The following NAV2 variants were observed in gnomAD, a reference collection of about 807,000 sequenced individuals.
NAV2 encodes helicase, APC down-regulated 1.
NAV2 carries 54 observed loss-of-function variants against 223.2 expected under a neutral mutation model. That is an observed-to-expected ratio of 0.24 (90% CI 0.19 to 0.30). NAV2 has a LOEUF of 0.30. Among genes scored for constraint, NAV2 ranks in the 10% least tolerant of loss-of-function variants. The pLI is 1.00. For missense variants in NAV2, 2,806 were observed against 3,147.5 expected, an observed-to-expected ratio of 0.89 and a Z score of 2.60; for synonymous variants, 1,279 against 1,239.3, an observed-to-expected ratio of 1.03 and a Z score of -0.67.
rs769062756 is a variant in NAV2, at chr11:20,045,319, C to G, written c.3551C>G (p.Ser1184Cys). 1 of 1,614,146 alleles carries G rather than the reference C, an allele frequency of 6.2e-7. No individual in the cohort carries two copies. Residue 1184 changes from serine to cysteine, a missense_variant, in exon 14 of 38, where the codon TCC becomes TGC. Ser to Cys is a moderately radical substitution (Grantham distance 112, BLOSUM62 -1). Coordinates refer to ENST00000349880, the MANE Select transcript of NAV2 (RefSeq NM_145117.5). ...GATGACGGGTATCTAGCCCTAAGCT[C>G]CCGGACAAACCTTCAGTACCGGAGT... ...NQDDGYLALS[S>C]RTNLQYRSLP... is the part of the protein sequence containing the mutation.
intron 11 of NAV2, among the ~76,000 whole-genome samples, chr11:20,032,857 G>A (rs1376464430): frequency 6.6e-6 from 1 of 152,206 alleles, no homozygotes; most frequent in Admixed American, 6.5e-5. Flanking sequence ...AGGTATTTAA[G>A]GAGCACAGAC....
chr11:20,115,826 G>C (rs1349777400), intron 37 of NAV2, among the ~76,000 whole-genome samples: 1 of 151,892 alleles, frequency 6.6e-6, no homozygotes, highest in East Asian at 1.9e-4. Context: ...GGTGGGAGGA[G>C]GGCTTGAGCC....
intron 20 of NAV2, among the ~76,000 whole-genome samples, chr11:20,067,226 A>G (rs562999610): frequency 6.6e-6 from 1 of 152,220 alleles, no homozygotes; most frequent in Admixed American, 6.5e-5. Flanking sequence ...TGGAGTTACC[A>G]GGCTGGCTGA....
chr11:19,800,265 A>G (rs2058161450), intron 1 of NAV2, among the ~76,000 whole-genome samples: 1 of 152,136 alleles, frequency 6.6e-6, no homozygotes, highest in Non-Finnish European at 1.5e-5. Flanking sequence ...ACTTCTGACA[A>G]GCCTGGGCTT....
At chr11:19,951,375 G>A (rs1366069206) in intron 10 of NAV2, among the ~76,000 whole-genome samples, 1 of 152,128 alleles carries the variant, frequency 6.6e-6, no homozygotes, top group Non-Finnish European at 1.5e-5. Context: ...GGTCAACTTA[G>A]AGCATCCTTT....
At chr11:19,373,160 G>GC (rs1252596626) in intron 1 of NAV2, among the ~76,000 whole-genome samples, 1 of 152,138 alleles carries the variant, frequency 6.6e-6, no homozygotes, top group African/African-American at 2.4e-5. Context: ...AATGTTAAGT[G>GC]CCCTGGGGCT....
At chr11:19,811,431 G>A (rs2058830743) in intron 1 of NAV2, among the ~76,000 whole-genome samples, 2 of 152,194 alleles carry the variant, frequency 1.3e-5, no homozygotes, top group Non-Finnish European at 2.9e-5. Context: ...CACAATGAAG[G>A]TGACATTGAT....
intron 1 of NAV2, among the ~76,000 whole-genome samples, chr11:19,420,937 A>T (rs551840162): frequency 6.6e-6 from 1 of 152,120 alleles, no homozygotes; most frequent in Admixed American, 6.5e-5. Flanking sequence ...CTCAAGGGTG[A>T]CCTCCACGGT....
At chr11:19,475,660 C>T (rs2042092279) in intron 1 of NAV2, among the ~76,000 whole-genome samples, 1 of 152,218 alleles carries the variant, frequency 6.6e-6, no homozygotes, top group Admixed American at 6.5e-5. Context: ...TCCTGCTGAC[C>T]TGCCTGGTTC....
intron 6 of NAV2, among the ~76,000 whole-genome samples, chr11:19,893,592 C>A (rs1489001540): frequency 6.6e-6 from 1 of 152,172 alleles, no homozygotes; most frequent in African/African-American, 2.4e-5. Context: ...GAACTGAGTT[C>A]CCCCAAGAGT....
intron 1 of NAV2, among the ~76,000 whole-genome samples, chr11:19,695,674 T>C (rs535683419): frequency 1.6e-4 from 25 of 152,094 alleles, no homozygotes; most frequent in African/African-American, 6.0e-4. Context: ...GAGGCTGAGG[T>C]GGGCAGATCA....
intron 1 of NAV2, among the ~76,000 whole-genome samples, chr11:19,678,144 T>C (rs73426609): frequency 0.041 from 6,228 of 152,266 alleles, 292 homozygotes; most frequent in African/African-American, 0.11. Context: ...AGTCCCAACT[T>C]GCACTTGGAG....
At position 19,651,648 on chromosome 11, in the gene NAV2, T is replaced by C. The variant is rs372460931; in HGVS notation, c.76-180836T>C. Among the ~76,000 whole-genome samples the C allele has an allele frequency of 6.6e-5, 10 of 152,268 alleles. No individual in the cohort carries two copies. The East Asian group carries it at 9.7e-4, about 15-fold the overall frequency. Reference sequence around the variant, plus strand: ...ACATGACACCCACTTTGAAATTTCATTGTGAGAAGTAAGTGGGATGATGTA... The same window carrying C: ...ACATGACACCCACTTTGAAATTTCACTGTGAGAAGTAAGTGGGATGATGTA... On this transcript the variant is annotated intron_variant, in intron 1 of 37. Coordinates refer to the NAV2 transcript ENST00000360655.
At chr11:19,911,670 T>C (rs750469570) in intron 6 of NAV2, among the ~76,000 whole-genome samples, 1 of 152,108 alleles carries the variant, frequency 6.6e-6, no homozygotes, top group African/African-American at 2.4e-5. Context: ...CAGTTCCAAA[T>C]TGACCTCAGA....
intron 1 of NAV2, among the ~76,000 whole-genome samples, chr11:19,356,729 A>G (rs564662692): frequency 1.3e-5 from 2 of 152,220 alleles, no homozygotes; most frequent in African/African-American, 4.8e-5. Context: ...TTTCCCAAAC[A>G]TTCATGAAAC....
intron 11 of NAV2, among the ~76,000 whole-genome samples, chr11:20,012,688 A>ACAG (rs1317829026): frequency 3.4e-4 from 1 of 2,972 alleles, no homozygotes. Context: ...AAAAAAAAAA[A>ACAG]AAAGAAGGGG....
Position 19,956,913 on chromosome 11 carries a change from T to A in NAV2, c.2645+7833T>A, listed in dbSNP as rs530739949. On this transcript the variant is annotated intron_variant, in intron 10 of 37. Coordinates refer to ENST00000349880, the MANE Select transcript of NAV2 (RefSeq NM_145117.5). ...ATGGTTGGTTTGTCTCGCAACCAGC[T>A]CCTATCCTCCAAGAGTCACCTCAGT... 1.4e-3 allele frequency among the ~76,000 whole-genome samples: 213 copies of A among 152,278 alleles called. 2 individuals are homozygous for A. Among genetic ancestry groups the A allele is most frequent in the Middle Eastern group, 6.8e-3 (2 of 294 alleles).
At chr11:19,350,375 A>G (rs1159957159), upstream of NAV2, among the ~76,000 whole-genome samples, 2 of 152,162 alleles carry the variant, frequency 1.3e-5, no homozygotes, top group East Asian at 3.9e-4. Context: ...CTCCTCAGGT[A>G]TGGGTCTTAC....
chr11:20,005,913 C>G (rs1192894211), intron 11 of NAV2, among the ~76,000 whole-genome samples: 1 of 152,186 alleles, frequency 6.6e-6, no homozygotes. Flanking sequence ...TAAATTGACT[C>G]ATTTAATCCT....
Sources: allele counts gnomAD v4.1 joint callset (sites outside exome capture counted in the v4.1 genomes callset), GRCh38; gene constraint gnomAD v4.1.1; transcripts MANE v1.5; gene names NCBI Gene and HGNC (gene_info 2026-07-23, HGNC 2026-07-21).